ETV3: variants seen among roughly 807,000 people sequenced by gnomAD.
The protein encoded by ETV3 is ETS translocation variant 3.
Under a neutral mutation model 33.0 loss-of-function variants are expected in ETV3, and 8 were observed. The observed-to-expected ratio is 0.24, with a 90% confidence interval of 0.14 to 0.44. ETV3 has a LOEUF of 0.44. ETV3 is among the 20% of genes least tolerant of loss of function. The pLI is 1.00. For synonymous variants in ETV3, 222 were observed against 238.9 expected (o/e 0.93, Z 0.65); for missense variants, 473 against 652.3 (o/e 0.73, Z 2.99).
rs1335804047 is a variant in ETV3 at position 157,122,284 on chromosome 1, C to T, written c.*2557G>A. On this transcript the variant is annotated 3_prime_UTR_variant, in exon 5 of 5. Transcript: ENST00000368192. ...TGGCCCAGGCAATGTCAACGACTTC[C>T]ACATTCCCTGGCCCACTTCCTGAGC... 1 of 152,092 alleles carries T rather than the reference C, an allele frequency of 6.6e-6. No individual in the cohort carries two copies. The highest frequency in any genetic ancestry group is 6.5e-5 in the Admixed American group (1 of 15,272). 9.4% of individuals were successfully genotyped at this position (152,092 alleles called of 1,614,324 possible).
In ETV3 at chr1:157,125,304, A is replaced by C; in HGVS notation, c.1076T>G (p.Val359Gly). 6.4e-7 allele frequency: 1 copy of C among 1,551,592 alleles called. No homozygotes were observed. The highest frequency in any genetic ancestry group is 8.7e-7 in the Non-Finnish European group (1 of 1,146,988). ...TGGTGCTGACTCCTCGCTGCTCTCA[A>C]CCCTCTCCCGGTTCTTCCGCCCAAC... is the stretch of plus-strand genomic sequence containing the variant. ...PPVGRKNRERVESSEESAPVT... is the reference protein window; with the variant it reads ...PPVGRKNRERGESSEESAPVT... Residue 359 changes from valine (V) to glycine (G), a missense_variant, in exon 5 of 5, where the codon GTT becomes GGT. By Grantham distance (109) the Val-to-Gly change is moderately radical (BLOSUM62 -3). Coordinates refer to ENST00000368192, the MANE Select transcript of ETV3 (RefSeq NM_001145312.3). This position sits in a 1 kb window ranked among gnomAD's most constrained non-coding sequence, Gnocchi z 4.0.
Position 157,125,941 on chromosome 1 carries a change from A to G in ETV3, c.439T>C (p.Ser147Pro). ...PQSAPPVPTA[S>P]SRFHFPPLDT... ...AGAGGTGGGAAATGGAACCGGGAAG[A>G]GGCTGTTGGCACTGGTGGTGCACTC... Residue 147 changes from serine (S) to proline (P), a missense_variant, in exon 5 of 5, where the codon TCT becomes CCT. By Grantham distance (74) the Ser-to-Pro change is moderately conservative. Transcript: ENST00000368192. This position sits in a 1 kb window ranked among gnomAD's most constrained non-coding sequence, Gnocchi z 4.0. 6.4e-7 allele frequency: 1 copy of G among 1,551,536 alleles called. No homozygotes were observed. The highest frequency in any genetic ancestry group is 2.4e-5 in the East Asian group (1 of 40,928).
intron 1 of ETV3, among the ~76,000 whole-genome samples, chr1:157,138,102 G>A (rs974859696): frequency 1.3e-5 from 2 of 152,178 alleles, no homozygotes; most frequent in Non-Finnish European, 2.9e-5. Context: ...TGGCCTCAGG[G>A]CTGCGCGGGG....
At position 157,124,765 on chromosome 1, in the gene ETV3, C is replaced by CCCCCCTA; in HGVS notation, c.*75_*76insTAGGGGG. 4.9e-6 allele frequency: 2 copies of CCCCCCTA among 408,016 alleles called. No homozygotes were observed. Among genetic ancestry groups the CCCCCCTA allele is most frequent in the South Asian group, 7.1e-5 (1 of 14,094 alleles). The allele number at this position is 408,016 out of a possible 1,614,324, so 25.3% of individuals were successfully genotyped here. ...CAAACCAGTTTAACTCCCTCCCCCC[C>CCCCCCTA]ACCCTGAAATCTTGCTACATAAATA... On this transcript the variant is annotated 3_prime_UTR_variant, in exon 5 of 5. Coordinates refer to ENST00000368192, the MANE Select transcript of ETV3 (RefSeq NM_001145312.3).
In ETV3 at chr1:157,135,367, T is replaced by C. The variant is rs1206631404; in HGVS notation, c.284+104A>G. The stretch of plus-strand genomic sequence containing the variant: ...TAAAGTGACACATTATTCACTAAGA[T>C]AGTGTAGTCTTTTATTACCTGATAC... On this transcript the variant is annotated intron_variant, in intron 3 of 4. Coordinates refer to ENST00000368192, the MANE Select transcript of ETV3 (RefSeq NM_001145312.3). 3.0e-6 allele frequency: 4 copies of C among 1,329,374 alleles called. No homozygotes were observed. In the African/African-American group the frequency reaches 4.4e-5, roughly 14 times the overall value. 82.3% of individuals were successfully genotyped at this position (1,329,374 alleles called of 1,614,324 possible). A position where few individuals can be genotyped will look rare whatever the true frequency, so the allele number is the denominator to read the frequency against.
Position 157,135,708 on chromosome 1 carries a change from C to A in ETV3, c.47G>T (p.Gly16Val), listed in dbSNP as rs1675091718. Residue 16 changes from glycine to valine, a missense_variant and splice_region_variant, in exon 3 of 5, where the codon GGG becomes GTG. Gly to Val is a moderately radical substitution (Grantham distance 109, BLOSUM62 -3). Coordinates refer to ENST00000368192, the MANE Select transcript of ETV3 (RefSeq NM_001145312.3). ...SIVEKPEGGG[G>V]YQFPDWAYKT... ...GTAGGCCCAGTCAGGAAACTGATAC[C>A]CTTTCATGTGAGAAGGTCAAGATTA... 1.2e-6 allele frequency: 2 copies of A among 1,614,092 alleles called. No homozygotes were observed. Among genetic ancestry groups the A allele is most frequent in the African/African-American group, 1.3e-5 (1 of 75,032 alleles).
Position 157,124,908 on chromosome 1 carries a change from T to C in ETV3, c.1472A>G (p.Lys491Arg). 6.4e-7 allele frequency: 1 copy of C among 1,551,680 alleles called. No individual in the cohort carries two copies. The highest frequency in any genetic ancestry group is 8.7e-7 in the Non-Finnish European group (1 of 1,146,976). ...CCCATTCCAGAGAAACTTGCCACTC[T>C]TGCTCAGCTCTCGGGCTTCAGGGTC... is the stretch of plus-strand genomic sequence containing the variant. ...NDDPEARELS[K>R]SGKFLWNGSG... Residue 491 changes from lysine to arginine, a missense_variant, in exon 5 of 5, where the codon AAG becomes AGG. By Grantham distance (26) the Lys-to-Arg change is conservative. Around this residue, in one of 3 missense-constraint regions of ETV3, gnomAD observed 410 missense variants for 520.2 expected, o/e 0.79. Coordinates refer to ENST00000368192, the MANE Select transcript of ETV3 (RefSeq NM_001145312.3).
intron 4 of ETV3, among the ~76,000 whole-genome samples, chr1:157,132,241 C>G (rs1009072307): frequency 6.6e-6 from 1 of 152,244 alleles, no homozygotes; most frequent in African/African-American, 2.4e-5. Context: ...AGCCACCTGG[C>G]CCGGCCCCTT....
In ETV3 at chr1:157,125,736, A is replaced by G. The variant is rs1385367320; in HGVS notation, c.644T>C (p.Ile215Thr). ...GVDPVSSRNAIGGGGIGHQKR... is the reference protein window; with the variant it reads ...GVDPVSSRNATGGGGIGHQKR... ...CTGATGGCCAATCCCTCCTCCACCA[A>G]TGGCATTCCTGGAGGACACGGGATC... Residue 215 changes from isoleucine to threonine, a missense_variant, in exon 5 of 5, where the codon ATT becomes ACT. Ile to Thr is a moderately conservative substitution (Grantham distance 89, BLOSUM62 -1). Coordinates refer to ENST00000368192, the MANE Select transcript of ETV3 (RefSeq NM_001145312.3). The surrounding 1 kb of genome is among the most constrained non-coding windows in gnomAD (Gnocchi z 4.0). The G allele has an allele frequency of 7.1e-6, 11 of 1,551,308 alleles. No individual in the cohort carries two copies. The South Asian group carries it at 7.1e-5, about 10-fold the overall frequency.
intron 4 of ETV3, 173 bp downstream of exon 4, chr1:157,133,939 A>G (rs1675032539): frequency 3.5e-6 from 5 of 1,440,640 alleles, no homozygotes; most frequent in South Asian, 3.0e-5. Context: ...TGAATAGCCT[A>G]TAACTCTCCT....
intron 4 of ETV3, among the ~76,000 whole-genome samples, chr1:157,132,209 A>C (rs1674984128): frequency 6.6e-6 from 1 of 152,116 alleles, no homozygotes; most frequent in Non-Finnish European, 1.5e-5. Flanking sequence ...TGGCCTCCCA[A>C]AGTGTTGGGA....
At chr1:157,137,216 T>G (rs1024945989) in intron 1 of ETV3, among the ~76,000 whole-genome samples, 1 of 151,222 alleles carries the variant, frequency 6.6e-6, no homozygotes, top group East Asian at 2.0e-4. Flanking sequence ...GAGGGAGGGG[T>G]GAAACTGCCA....
At chr1:157,135,762 C>T in intron 2 of ETV3, 54 bp from the exon 3 acceptor site, 1 of 1,528,580 alleles carries the variant, frequency 6.5e-7, no homozygotes, top group East Asian at 2.3e-5. Flanking sequence ...TACATACATA[C>T]CAGCAACCCC....
At chr1:157,129,615 A>G (rs1674923396) in intron 4 of ETV3, among the ~76,000 whole-genome samples, 1 of 152,246 alleles carries the variant, frequency 6.6e-6, no homozygotes. Context: ...GACCTTGCAA[A>G]TGATTTGAGT....
rs1674792849 is a variant in ETV3, at chr1:157,124,956, C to T, written c.1424G>A (p.Arg475Gln). ...GTCATCATTCCAGCGCCGCTTCAAC[C>T]GAAGCTTGGGGGGCATCAGTGCATC... The part of the protein sequence containing the change: ...KEDALMPPKL[R>Q]LKRRWNDDPE... Residue 475 changes from arginine to glutamine, a missense_variant, in exon 5 of 5, where the codon CGG becomes CAG. Arg to Gln is a conservative substitution (Grantham distance 43). Around this residue, in one of 3 missense-constraint regions of ETV3, gnomAD observed 410 missense variants for 520.2 expected, o/e 0.79. Transcript: ENST00000368192. 1.3e-6 allele frequency: 2 copies of T among 1,551,796 alleles called. No homozygotes were observed. Among genetic ancestry groups the T allele is most frequent in the Non-Finnish European group, 1.7e-6 (2 of 1,147,042 alleles).
At chr1:157,126,380 A>C (rs1319570965) in intron 4 of ETV3, among the ~76,000 whole-genome samples, 1 of 151,936 alleles carries the variant, frequency 6.6e-6, no homozygotes, top group Non-Finnish European at 1.5e-5. Flanking sequence ...CTCCTCTGCA[A>C]CTCTAAATAT....
rs1253551181 is a variant in ETV3, at chr1:157,125,811, T to C, written c.569A>G (p.Glu190Gly). Reference sequence around the variant, plus strand: ...TGAGCCATCCTCCAGCTCTGAAAGCTCAGTCTTTCTATCAGTACCATTACT... The same window carrying C: ...TGAGCCATCCTCCAGCTCTGAAAGCCCAGTCTTTCTATCAGTACCATTACT... The part of the protein sequence containing the change: ...ESSNGTDRKT[E>G]LSELEDGSAA... Residue 190 changes from glutamate to glycine, a missense_variant, in exon 5 of 5, where the codon GAG becomes GGG. By Grantham distance (98) the Glu-to-Gly change is moderately conservative. Around this residue, in one of 3 missense-constraint regions of ETV3, gnomAD observed 410 missense variants for 520.2 expected, o/e 0.79. Transcript: ENST00000368192. The surrounding 1 kb of genome is among the most constrained non-coding windows in gnomAD (Gnocchi z 4.0). 5.2e-6 allele frequency: 8 copies of C among 1,551,502 alleles called. No homozygotes were observed. In the Admixed American group the frequency reaches 7.8e-5, roughly 15 times the overall value.
chr1:157,130,273 G>C (rs1674938391), intron 4 of ETV3, among the ~76,000 whole-genome samples: 1 of 152,272 alleles, frequency 6.6e-6, no homozygotes, highest in South Asian at 2.1e-4. Context: ...GTAATGGGAG[G>C]TGAGACTAGA....
chr1:157,124,238 C>CAAAAAA lies in ETV3; in HGVS notation c.*597_*602dup, dbSNP rs11348539. The CAAAAAA allele has an allele frequency of 4.4e-5, 3 of 67,688 alleles. No individual in the cohort carries two copies. Among genetic ancestry groups the CAAAAAA allele is most frequent in the Non-Finnish European group, 8.7e-5 (3 of 34,590 alleles). The allele number at this position is 67,688 out of a possible 1,614,324, so 4.2% of individuals were successfully genotyped here. A position where few individuals can be genotyped will look rare whatever the true frequency, so the allele number is the denominator to read the frequency against. Reference sequence around the variant, plus strand: ...GAAAAAAATGCCAAACAACACCAACCAAAAAAAAAAAAAAAAAAAAAAGAA... The same window carrying CAAAAAA: ...GAAAAAAATGCCAAACAACACCAACCAAAAAAAAAAAAAAAAAAAAAAAAAAAAGAA... On this transcript the variant is annotated 3_prime_UTR_variant, in exon 5 of 5. Coordinates refer to ENST00000368192, the MANE Select transcript of ETV3 (RefSeq NM_001145312.3).
Sources: allele counts gnomAD v4.1 joint callset (sites outside exome capture counted in the v4.1 genomes callset), GRCh38; gene constraint gnomAD v4.1.1; regional missense constraint gnomAD v4.1.1; non-coding constraint Gnocchi (gnomAD v3.1); transcripts MANE v1.5; gene names NCBI Gene and HGNC (gene_info 2026-07-23, HGNC 2026-07-21).